Variants in CMPK1 observed in about 807,000 individuals in gnomAD.
The protein encoded by CMPK1 is cytidine/uridine monophosphate kinase 1, also known as UMP-CMP kinase.
Under a neutral mutation model 25.7 loss-of-function variants are expected in CMPK1, and 10 were observed. That is an observed-to-expected ratio of 0.39 (90% CI 0.24 to 0.66). The LOEUF is 0.66. CMPK1 is among the 30% of genes least tolerant of loss of function. The pLI is 0.48. For missense variants in CMPK1, 199 were observed against 280.5 expected, an observed-to-expected ratio of 0.71 and a Z score of 2.08; for synonymous variants, 106 against 101.5, an observed-to-expected ratio of 1.04 and a Z score of -0.27.
In CMPK1 at chr1:47,377,302, T is replaced by C. The variant is rs1181573079; in HGVS notation, c.*557T>C. On this transcript the variant is annotated 3_prime_UTR_variant, in exon 6 of 6. Coordinates refer to ENST00000371873, the MANE Select transcript of CMPK1 (RefSeq NM_016308.3). Reference sequence around the variant, plus strand: ...TAGAAAGATGAGAAAACTTAAGCTTTGTTTTACTACAACTTGTACAAAGTT... The same window carrying C: ...TAGAAAGATGAGAAAACTTAAGCTTCGTTTTACTACAACTTGTACAAAGTT... 1 of 152,364 alleles carries C rather than the reference T, an allele frequency of 6.6e-6. No homozygotes were observed. The highest frequency in any genetic ancestry group is 2.4e-5 in the African/African-American group (1 of 41,468). 9.4% of individuals were successfully genotyped at this position (152,364 alleles called of 1,614,324 possible).
chr1:47,342,041 G>T lies in CMPK1; in HGVS notation c.171+7925G>T, dbSNP rs143851096. Among the ~76,000 whole-genome samples the T allele has an allele frequency of 2.2e-4, 34 of 152,110 alleles. No individual in the cohort carries two copies. In the East Asian group the frequency reaches 6.2e-3, roughly 28 times the overall value. ...TCCTCCTGCCTTATCCTTCAGAGTA[G>T]CTGGGACTACAGGCTCACACCACCA... On this transcript the variant is annotated intron_variant, in intron 1 of 5. Coordinates refer to ENST00000371873, the MANE Select transcript of CMPK1 (RefSeq NM_016308.3).
chr1:47,336,015 C>G (rs1455551949), intron 1 of CMPK1, among the ~76,000 whole-genome samples: 4 of 152,102 alleles, frequency 2.6e-5, no homozygotes, highest in Non-Finnish European at 5.9e-5. Context: ...CCCGCCTCAG[C>G]CTCCCAAAGT....
At chr1:47,372,685 A>ATC (rs1646684613) in intron 2 of CMPK1, among the ~76,000 whole-genome samples, 1 of 152,170 alleles carries the variant, frequency 6.6e-6, no homozygotes, top group Non-Finnish European at 1.5e-5. Context: ...ACAGAAAAAA[A>ATC]TTGTGTGTAT....
In CMPK1 at chr1:47,368,677, T is replaced by C. The variant is rs1028648136; in HGVS notation, c.318+62T>C. On this transcript the variant is annotated intron_variant, in intron 2 of 5. Transcript: ENST00000371873. ...AGGAAAGAAGAAATTAAATTCACCT[T>C]TTGGCCAGGCAGTTGCTCATGCTTG... 5.7e-6 allele frequency: 8 copies of C among 1,400,060 alleles called. No individual in the cohort carries two copies. The Admixed American group carries it at 1.3e-4, about 22-fold the overall frequency. The allele number at this position is 1,400,060 out of a possible 1,614,324, so 86.7% of individuals were successfully genotyped here.
intron 1 of CMPK1, among the ~76,000 whole-genome samples, chr1:47,366,102 G>A (rs1040188143): frequency 6.6e-6 from 1 of 152,154 alleles, no homozygotes; most frequent in Non-Finnish European, 1.5e-5. Context: ...GCTGAGGCAC[G>A]CGAATTGCTT....
In CMPK1 at chr1:47,347,778, G is replaced by A. The variant is rs61577420; in HGVS notation, c.171+13662G>A. 3.5e-3 allele frequency among the ~76,000 whole-genome samples: 534 copies of A among 152,182 alleles called. 4 individuals carry two copies. The highest frequency in any genetic ancestry group is 0.012 in the African/African-American group (514 of 41,526). On this transcript the variant is annotated intron_variant, in intron 1 of 5. Transcript: ENST00000371873. ...GTAGCTAGGACTACAGGCATGCGCC[G>A]TTACCATGCCTGGCTAATTTTTGTT...
intron 1 of CMPK1, among the ~76,000 whole-genome samples, chr1:47,360,728 G>C (rs765077316): frequency 3.3e-5 from 5 of 152,108 alleles, no homozygotes; most frequent in Non-Finnish European, 5.9e-5. Flanking sequence ...GCACTTTGTA[G>C]ACAGCAAATA....
At chr1:47,350,957 C>T (rs1481091001) in intron 1 of CMPK1, among the ~76,000 whole-genome samples, 1 of 151,934 alleles carries the variant, frequency 6.6e-6, no homozygotes, top group Non-Finnish European at 1.5e-5. Flanking sequence ...CCCACCCTTC[C>T]CTAGCTCCTG....
At chr1:47,361,818 A>C (rs1297994458) in intron 1 of CMPK1, among the ~76,000 whole-genome samples, 1 of 148,430 alleles carries the variant, frequency 6.7e-6, no homozygotes, top group Admixed American at 6.8e-5. Context: ...AATTGAATGG[A>C]TTATATCCTT....
chr1:47,374,337 C>A (rs2622912), intron 3 of CMPK1, among the ~76,000 whole-genome samples: 148,377 of 152,354 alleles, frequency 0.97, 72,346 homozygotes, highest in East Asian at 1. Context: ...AATTGCAGGC[C>A]TGAGCCACCA....
chr1:47,356,613 A>G (rs563546834), intron 1 of CMPK1, among the ~76,000 whole-genome samples: 5 of 152,324 alleles, frequency 3.3e-5, no homozygotes, highest in Non-Finnish European at 7.4e-5. Flanking sequence ...AATTTGTGGA[A>G]AACTGAATAA....
At chr1:47,338,055 G>GA (rs1350299807) in intron 1 of CMPK1, among the ~76,000 whole-genome samples, 2 of 151,854 alleles carry the variant, frequency 1.3e-5, no homozygotes, top group South Asian at 2.1e-4. Context: ...TTTCCTGTAG[G>GA]AAAAAAATTA....
intron 1 of CMPK1, among the ~76,000 whole-genome samples, chr1:47,344,979 C>T (rs551183219): frequency 6.6e-6 from 1 of 151,606 alleles, no homozygotes; most frequent in Non-Finnish European, 1.5e-5. Flanking sequence ...TGCAGTGGTG[C>T]GATATTGGCA....
chr1:47,339,210 A>T (rs971488239), intron 1 of CMPK1, among the ~76,000 whole-genome samples: 1 of 152,006 alleles, frequency 6.6e-6, no homozygotes, highest in African/African-American at 2.4e-5. Context: ...CATGAATGCC[A>T]TGTTGGCCAG....
At chr1:47,361,679 G>A (rs1017038981) in intron 1 of CMPK1, among the ~76,000 whole-genome samples, 12 of 150,818 alleles carry the variant, frequency 8.0e-5, no homozygotes, top group Admixed American at 7.3e-4. Context: ...GCCAGGCCCT[G>A]AGCCCCGGAC....
chr1:47,364,209 T>C (rs1646623207), intron 1 of CMPK1, among the ~76,000 whole-genome samples: 1 of 152,236 alleles, frequency 6.6e-6, no homozygotes, highest in Non-Finnish European at 1.5e-5. Flanking sequence ...AGTAGTCTTA[T>C]GGAGAATGCA....
chr1:47,369,909 CTTTT>C (rs60145419), intron 2 of CMPK1, among the ~76,000 whole-genome samples: 43 of 93,680 alleles, frequency 4.6e-4, no homozygotes, highest in Admixed American at 1.6e-3. Context: ...CTTTCTCTCT[CTTTT>C]TTTTTTTTTT....
At chr1:47,348,332 C>T (rs1275104650) in intron 1 of CMPK1, among the ~76,000 whole-genome samples, 1 of 152,088 alleles carries the variant, frequency 6.6e-6, no homozygotes, top group African/African-American at 2.4e-5. Flanking sequence ...AGCCCAATTG[C>T]CATATGAAAA....
At chr1:47,372,905 A>G in intron 2 of CMPK1, 50 bp from the exon 3 acceptor site, 1 of 1,509,464 alleles carries the variant, frequency 6.6e-7, no homozygotes, top group Admixed American at 2.0e-5. Context: ...TGCTTGAGAA[A>G]TTTCATTTTG....
Sources: gnomAD v4.1 joint callset for allele counts (sites outside exome capture counted in the v4.1 genomes callset) on GRCh38, gnomAD v4.1.1 for gene constraint, MANE v1.5 for transcripts, NCBI Gene and HGNC (gene_info 2026-07-23, HGNC 2026-07-21) for gene names.